Variants in CBFA2T3 observed in about 807,000 individuals in gnomAD.
CBFA2T3 encodes transcriptional corepressor CBFA2T3.
Under a neutral mutation model 58.6 loss-of-function variants are expected in CBFA2T3, and 31 were observed. The ratio of observed to expected loss-of-function variants is 0.53; its 90% CI spans 0.40 to 0.71. CBFA2T3 has a LOEUF of 0.71. Ranked by LOEUF, CBFA2T3 falls within the 30% of genes least tolerant of loss-of-function variation. The probability of loss-of-function intolerance (pLI) is 0.00; values close to 1 mark genes in which losing one functional copy is unlikely to be tolerated. For synonymous variants in CBFA2T3, 531 were observed against 421.9 expected (o/e 1.26, Z -3.17); for missense variants, 1,076 against 963.1 (o/e 1.12, Z -1.55).
chr16:88,929,082 T>C (rs1374507540), intron 1 of CBFA2T3, among the ~76,000 whole-genome samples: 3 of 141,868 alleles, frequency 2.1e-5, no homozygotes, highest in Admixed American at 7.0e-5. Flanking sequence ...GAGTGCAAAA[T>C]AGACCTGGGA....
At chr16:88,898,430 C>T (rs531471994) in intron 2 of CBFA2T3, among the ~76,000 whole-genome samples, 183 of 152,348 alleles carry the variant, frequency 1.2e-3, no homozygotes, top group Admixed American at 4.5e-3. Context: ...GCTCTGTCAC[C>T]ACCTGGGGCC....
intron 1 of CBFA2T3, among the ~76,000 whole-genome samples, chr16:88,942,445 C>T (rs1971775473): frequency 6.6e-6 from 1 of 152,156 alleles, no homozygotes. Flanking sequence ...TCCCCAATCC[C>T]CAATATAAAA....
chr16:88,976,825 G>A lies in CBFA2T3; in HGVS notation c.-18C>T, dbSNP rs566520469. On this transcript the variant is annotated 5_prime_UTR_variant, in exon 1 of 12. Coordinates refer to ENST00000268679, the MANE Select transcript of CBFA2T3 (RefSeq NM_005187.6). The stretch of plus-strand genomic sequence containing the variant: ...GCCGGCATGAGGAGGGCCACCCTCA[G>A]GGGCCAACCTGGAGCCCAGGACAGG... The A allele has an allele frequency of 1.3e-6, 2 of 1,543,772 alleles. No homozygotes were observed. Among genetic ancestry groups the A allele is most frequent in the African/African-American group, 2.7e-5 (2 of 73,368 alleles).
At chr16:88,909,098 C>T (rs914389826) in intron 1 of CBFA2T3, among the ~76,000 whole-genome samples, 6 of 152,196 alleles carry the variant, frequency 3.9e-5, no homozygotes, top group South Asian at 4.1e-4. Flanking sequence ...GCAACCAACC[C>T]GAGGGCTCCA....
intron 1 of CBFA2T3, among the ~76,000 whole-genome samples, chr16:88,975,901 C>A (rs768478105): frequency 6.6e-6 from 1 of 152,232 alleles, no homozygotes; most frequent in Non-Finnish European, 1.5e-5. Context: ...GTGAGAGCCC[C>A]GCGAGACGGG....
intron 1 of CBFA2T3, among the ~76,000 whole-genome samples, chr16:88,965,785 G>A (rs1041300227): frequency 6.6e-6 from 1 of 152,214 alleles, no homozygotes; most frequent in South Asian, 2.1e-4. Context: ...CAGGCTGGGT[G>A]AGGCTGCTTT....
At chr16:88,883,465 A>T (rs1162562185) in intron 7 of CBFA2T3, 1 of 153,102 alleles carries the variant, frequency 6.5e-6, no homozygotes, top group African/African-American at 2.4e-5. Flanking sequence ...TTCTCTGCTC[A>T]GTTAAACTCT....
chr16:88,882,631 C>A lies in CBFA2T3; in HGVS notation c.1203+45G>T, dbSNP rs376968379. 5.3e-5 allele frequency: 67 copies of A among 1,268,698 alleles called. No homozygotes were observed. The Middle Eastern group carries it at 4.2e-3, about 80-fold the overall frequency. The allele number at this position is 1,268,698 out of a possible 1,614,324, so 78.6% of individuals were successfully genotyped here. A position where few individuals can be genotyped will look rare whatever the true frequency, so the allele number is the denominator to read the frequency against. On this transcript the variant is annotated intron_variant, in intron 8 of 11. Transcript: ENST00000268679. ...GTGGCTGTGTGTGTGCGTGGCTGTG[C>A]GCCTGGGCATGGCTGTGTGGGCGTG...
At chr16:88,890,163 C>T (rs898142532) in intron 5 of CBFA2T3, among the ~76,000 whole-genome samples, 2 of 152,178 alleles carry the variant, frequency 1.3e-5, no homozygotes, top group South Asian at 2.1e-4. Flanking sequence ...CTGTAGTCCC[C>T]GCTACCTGGG....
Position 88,901,172 on chromosome 16 carries a change from G to A in CBFA2T3, c.304+332C>T, listed in dbSNP as rs147758959. 2.2e-3 allele frequency among the ~76,000 whole-genome samples: 329 copies of A among 152,368 alleles called. 2 individuals carry two copies. The highest frequency in any genetic ancestry group is 7.5e-3 in the African/African-American group (311 of 41,594). Reference sequence around the variant, plus strand: ...CTGCCGGACGAGGCAGGAAGCCTGAGGCACAGCGGCCGGCTTTGACCCATG... The same window carrying A: ...CTGCCGGACGAGGCAGGAAGCCTGAAGCACAGCGGCCGGCTTTGACCCATG... On this transcript the variant is annotated intron_variant, in intron 2 of 11. Coordinates refer to ENST00000268679, the MANE Select transcript of CBFA2T3 (RefSeq NM_005187.6).
At chr16:88,935,986 C>T (rs945370146) in intron 1 of CBFA2T3, among the ~76,000 whole-genome samples, 1 of 152,184 alleles carries the variant, frequency 6.6e-6, no homozygotes, top group Non-Finnish European at 1.5e-5. Flanking sequence ...GCCCATCCCC[C>T]TCCCCGCTGC....
rs546042887 is a variant in CBFA2T3, at chr16:88,874,891, G to A, written c.*2085C>T. Reference sequence around the variant, plus strand: ...CTGTTTTTTATTTGGCAAACATCTCGTTTATTACCATCATGAATATCATTT... The same window carrying A: ...CTGTTTTTTATTTGGCAAACATCTCATTTATTACCATCATGAATATCATTT... On this transcript the variant is annotated 3_prime_UTR_variant, in exon 12 of 12. Transcript: ENST00000268679. The A allele has an allele frequency of 2.6e-5, 6 of 231,830 alleles. No individual in the cohort carries two copies. The highest frequency in any genetic ancestry group is 1.7e-4 in the Admixed American group (3 of 17,726). The allele number at this position is 231,830 out of a possible 1,614,324, so 14.4% of individuals were successfully genotyped here. A position where few individuals can be genotyped will look rare whatever the true frequency, so the allele number is the denominator to read the frequency against.
intron 1 of CBFA2T3, among the ~76,000 whole-genome samples, chr16:88,966,107 C>A (rs1187223356): frequency 6.6e-6 from 1 of 152,334 alleles, no homozygotes; most frequent in African/African-American, 2.4e-5. Flanking sequence ...CAAGGTGGGG[C>A]CCCTCTGGAC....
At chr16:88,895,842 C>A (rs1197279409) in intron 3 of CBFA2T3, among the ~76,000 whole-genome samples, 1 of 152,202 alleles carries the variant, frequency 6.6e-6, no homozygotes, top group Non-Finnish European at 1.5e-5. Flanking sequence ...GAGTGAGGAC[C>A]GGCCGCCAGG....
In CBFA2T3 at chr16:88,958,376, C is replaced by T. The variant is rs1035390872; in HGVS notation, c.151+18281G>A. 6.6e-6 allele frequency among the ~76,000 whole-genome samples: 1 copy of T among 152,028 alleles called. No homozygotes were observed. ...TGATGTGGTCACCTCGAATGGGGAA[C>T]TCCTCCAGGAAGGAAAGGAGAAGTT... On this transcript the variant is annotated intron_variant, in intron 1 of 11. Transcript: ENST00000268679. This position sits in a 1 kb window ranked among gnomAD's most constrained non-coding sequence, Gnocchi z 4.0.
In CBFA2T3 at chr16:88,880,603, T is replaced by C. The variant is rs1009266085; in HGVS notation, c.1471+117A>G. ...CCACACAGCGGAATGCAGAAAGCCT[T>C]GTAGCCTGAGCCCCCAGAGAGAGAC... On this transcript the variant is annotated intron_variant, in intron 10 of 11. Coordinates refer to ENST00000268679, the MANE Select transcript of CBFA2T3 (RefSeq NM_005187.6). 4 of 855,958 alleles carry C rather than the reference T, an allele frequency of 4.7e-6. No individual in the cohort carries two copies. The South Asian group carries it at 6.3e-5, about 13-fold the overall frequency. The allele number at this position is 855,958 out of a possible 1,614,324, so 53.0% of individuals were successfully genotyped here. A position where few individuals can be genotyped will look rare whatever the true frequency, so the allele number is the denominator to read the frequency against.
intron 8 of CBFA2T3, chr16:88,881,733 T>G: frequency 2.1e-6 from 1 of 470,018 alleles, no homozygotes; most frequent in Non-Finnish European, 3.8e-6. Flanking sequence ...ACGCAGGAGT[T>G]TGGGATTCTC....
intron 1 of CBFA2T3, among the ~76,000 whole-genome samples, chr16:88,925,409 G>T (rs1357457678): frequency 6.6e-6 from 1 of 152,212 alleles, no homozygotes; most frequent in African/African-American, 2.4e-5. Context: ...GGGGGCCAGG[G>T]GGTGGTGCTG....
chr16:88,885,328 G>T lies in CBFA2T3; in HGVS notation c.894-59C>A. ...GACATAGGATGAACCGGGGACAGAG[G>T]TGCAGGTGGGGTGAGAGGCAGACAG... On this transcript the variant is annotated intron_variant, in intron 6 of 11. Transcript: ENST00000268679. The surrounding 1 kb of genome is among the most constrained non-coding windows in gnomAD (Gnocchi z 5.3). 3 of 1,249,696 alleles carry T rather than the reference G, an allele frequency of 2.4e-6. No homozygotes were observed. The highest frequency in any genetic ancestry group is 3.3e-6 in the Non-Finnish European group (3 of 922,768). The allele number at this position is 1,249,696 out of a possible 1,614,324, so 77.4% of individuals were successfully genotyped here. A position where few individuals can be genotyped will look rare whatever the true frequency, so the allele number is the denominator to read the frequency against.
Sources: gnomAD v4.1 joint callset for allele counts (sites outside exome capture counted in the v4.1 genomes callset) on GRCh38, gnomAD v4.1.1 for gene constraint, Gnocchi (gnomAD v3.1) non-coding constraint, MANE v1.5 for transcripts, NCBI Gene and HGNC (gene_info 2026-07-23, HGNC 2026-07-21) for gene names.